Variants in TMEM185B observed in about 807,000 individuals in gnomAD.
TMEM185B encodes transmembrane protein 185B, also known as ee3_2.
In TMEM185B, 9 loss-of-function variants were observed where a neutral mutation model predicts 26.2. That is an observed-to-expected ratio of 0.34 (90% confidence interval 0.21 to 0.60). The LOEUF is 0.60. Ranked by LOEUF, TMEM185B falls within the 20% of genes least tolerant of loss-of-function variation. The probability of loss-of-function intolerance (pLI) is 0.80; values close to 1 mark genes in which losing one functional copy is unlikely to be tolerated. For synonymous variants in TMEM185B, 204 were observed against 191.8 expected (o/e 1.06, Z -0.52); for missense variants, 392 against 447.9 (o/e 0.88, Z 1.13).
chr2:120,221,855 G>T lies in TMEM185B; in HGVS notation c.*69C>A, dbSNP rs1471805780. ...GTTTGAAGCCTGTTTCCATTTCCAG[G>T]TTTGGGATGAATGAACAAGAGGCGA... is the stretch of plus-strand genomic sequence containing the variant. On this transcript the variant is annotated 3_prime_UTR_variant, in exon 1 of 1. Transcript: ENST00000426077. 7.1e-6 allele frequency: 9 copies of T among 1,269,562 alleles called. No homozygotes were observed. Among genetic ancestry groups the T allele is most frequent in the Non-Finnish European group, 8.5e-6 (8 of 945,146 alleles). 78.6% of individuals were successfully genotyped at this position (1,269,562 alleles called of 1,614,324 possible).
rs1688592526 is a variant in TMEM185B, at chr2:120,221,873, A to C, written c.*51T>G. The C allele has an allele frequency of 7.2e-7, 1 of 1,390,078 alleles. No homozygotes were observed. The highest frequency in any genetic ancestry group is 2.7e-5 in the Admixed American group (1 of 36,644). 86.1% of individuals were successfully genotyped at this position (1,390,078 alleles called of 1,614,324 possible). A position where few individuals can be genotyped will look rare whatever the true frequency, so the allele number is the denominator to read the frequency against. ...TTTCCAGGTTTGGGATGAATGAACA[A>C]GAGGCGAAGGCCAAGTGGAGTCTGT... On this transcript the variant is annotated 3_prime_UTR_variant, in exon 1 of 1. Transcript: ENST00000426077.
In TMEM185B at chr2:120,219,450, T is replaced by C. The variant is rs1039173850; in HGVS notation, c.*2474A>G. The stretch of plus-strand genomic sequence containing the variant: ...TAGATGCTGGCTTTCCAACACCAGA[T>C]AGCTTGGGGGAAGAGGAAGTTAAGA... On this transcript the variant is annotated 3_prime_UTR_variant, in exon 1 of 1. Coordinates refer to ENST00000426077, the MANE Select transcript of TMEM185B (RefSeq NM_024121.3). Among the ~76,000 whole-genome samples the C allele has an allele frequency of 6.6e-6, 1 of 151,796 alleles. No homozygotes were observed. Among genetic ancestry groups the C allele is most frequent in the Non-Finnish European group, 1.5e-5 (1 of 67,970 alleles).
chr2:120,222,278 G>A lies in TMEM185B; in HGVS notation c.699C>T (p.His233=). 6.5e-7 allele frequency: 1 copy of A among 1,536,326 alleles called. No homozygotes were observed. The highest frequency in any genetic ancestry group is 8.7e-7 in the Non-Finnish European group (1 of 1,146,942). ...PLLTFEVLLV[H]RLDGHNTFSY... Reference sequence around the variant, plus strand: ...AGAATGTATTGTGGCCATCCAATCTGTGAACCAGCAGGACCTCAAAAGTGA... The same window carrying A: ...AGAATGTATTGTGGCCATCCAATCTATGAACCAGCAGGACCTCAAAAGTGA... Residue 233 remains histidine (H), a synonymous_variant, in exon 1 of 1, where the codon CAC becomes CAT. Transcript: ENST00000426077.
Position 120,222,769 on chromosome 2 carries a change from G to A in TMEM185B, c.208C>T (p.Arg70Cys). The change falls in exon 1 of 1, where the codon CGC (arginine) becomes TGC (cysteine). Residue 70 changes from arginine to cysteine, a missense_variant. This residue lies in a region of TMEM185B where 175 missense variants were observed against 169.1 expected (regional missense o/e 1.03). Transcript: ENST00000426077. ...VGAGVWARNPRYRTEGEACVE... is the reference protein window; with the variant it reads ...VGAGVWARNPCYRTEGEACVE... ...CAGGCCTCTCCCTCGGTGCGGTAGC[G>A]AGGGTTGCGGGCCCAAACGCCCGCG... 2.6e-6 allele frequency: 4 copies of A among 1,535,832 alleles called. No homozygotes were observed. The highest frequency in any genetic ancestry group is 1.7e-6 in the Non-Finnish European group (2 of 1,146,534).
rs1056632125 is a variant in TMEM185B, at chr2:120,217,684, A to G, written c.*4240T>C. 6.6e-6 allele frequency among the ~76,000 whole-genome samples: 1 copy of G among 152,214 alleles called. No homozygotes were observed. Among genetic ancestry groups the G allele is most frequent in the African/African-American group, 2.4e-5 (1 of 41,462 alleles). On this transcript the variant is annotated 3_prime_UTR_variant, in exon 1 of 1. Transcript: ENST00000426077. ...GCTGCTTCCGCCTTCGGTCTGTTGCAGTATGGTATCCTGACTGAAGAAAAC... is the reference window on the plus strand; with the variant it reads ...GCTGCTTCCGCCTTCGGTCTGTTGCGGTATGGTATCCTGACTGAAGAAAAC...
Position 120,222,647 on chromosome 2 carries a change from G to C in TMEM185B, c.330C>G (p.His110Gln), listed in dbSNP as rs960071108. The part of the protein sequence containing the change: ...LVCDRVERGT[H>Q]FWLLVFMPLF... ...GAGGCATGAAGACCAGCAGCCAGAA[G>C]TGGGTGCCCCTCTCCACCCTGTCGC... is the stretch of plus-strand genomic sequence containing the variant. Residue 110 changes from histidine (H) to glutamine (Q), a missense_variant, in exon 1 of 1, where the codon CAC (histidine) becomes CAG (glutamine). His to Gln is a conservative substitution (Grantham distance 24). This residue lies in a region of TMEM185B where 175 missense variants were observed against 169.1 expected (regional missense o/e 1.03). Coordinates refer to ENST00000426077, the MANE Select transcript of TMEM185B (RefSeq NM_024121.3). 1.3e-6 allele frequency: 2 copies of C among 1,536,488 alleles called. No homozygotes were observed. Among genetic ancestry groups the C allele is most frequent in the Non-Finnish European group, 1.7e-6 (2 of 1,146,998 alleles).
rs1688582387 is a variant in TMEM185B at position 120,221,264 on chromosome 2, C to CACAT, written c.*656_*659dup. Reference sequence around the variant, plus strand: ...AGTTTTCAAGGACATCTGCAATAGACACATATCTTCACACCTAAGCTTTAA... The same window carrying CACAT: ...AGTTTTCAAGGACATCTGCAATAGACACATACATATCTTCACACCTAAGCTTTAA... On this transcript the variant is annotated 3_prime_UTR_variant, in exon 1 of 1. Transcript: ENST00000426077. 6.6e-6 allele frequency: 1 copy of CACAT among 152,254 alleles called. No homozygotes were observed. The highest frequency in any genetic ancestry group is 6.5e-5 in the Admixed American group (1 of 15,286). 9.4% of individuals were successfully genotyped at this position (152,254 alleles called of 1,614,324 possible).
At position 120,220,611 on chromosome 2, in the gene TMEM185B, T is replaced by C. The variant is rs535415189; in HGVS notation, c.*1313A>G. ...CAGGCGTGGTGGTGCATGCCTGTAA[T>C]CCCAGCTACTCGCGAGGCTGAGGCA... is the stretch of plus-strand genomic sequence containing the variant. On this transcript the variant is annotated 3_prime_UTR_variant, in exon 1 of 1. Coordinates refer to ENST00000426077, the MANE Select transcript of TMEM185B (RefSeq NM_024121.3). Among the ~76,000 whole-genome samples, 93 of 152,258 alleles carry C rather than the reference T, an allele frequency of 6.1e-4. No individual in the cohort carries two copies. Among genetic ancestry groups the C allele is most frequent in the Non-Finnish European group, 1.1e-3 (77 of 68,014 alleles).
At position 120,222,419 on chromosome 2, in the gene TMEM185B, G is replaced by A; in HGVS notation, c.558C>T (p.Val186=). The change falls in exon 1 of 1, where the codon GTC becomes GTT. Residue 186 remains valine (V), a synonymous_variant. Coordinates refer to ENST00000426077, the MANE Select transcript of TMEM185B (RefSeq NM_024121.3). ...WILMSFLCLV[V]LYYIVWSLLF... ...GGAGGGACCAGACGATGTAATAGAG[G>A]ACGACCAGGCAAAGGAACGACATGA... 2 of 1,536,204 alleles carry A rather than the reference G, an allele frequency of 1.3e-6. No individual in the cohort carries two copies. Among genetic ancestry groups the A allele is most frequent in the Non-Finnish European group, 1.7e-6 (2 of 1,146,922 alleles).
chr2:120,222,434 G>C lies in TMEM185B; in HGVS notation c.543C>G (p.Phe181Leu). 3 of 1,536,178 alleles carry C rather than the reference G, an allele frequency of 2.0e-6. No homozygotes were observed. The highest frequency in any genetic ancestry group is 2.6e-6 in the Non-Finnish European group (3 of 1,146,908). The change falls in exon 1 of 1, where the codon TTC (phenylalanine) becomes TTG (leucine). Residue 181 changes from phenylalanine (F) to leucine (L), a missense_variant. Physicochemically the swap from Phe to Leu is conservative, Grantham distance 22. Coordinates refer to ENST00000426077, the MANE Select transcript of TMEM185B (RefSeq NM_024121.3). Reference sequence around the variant, plus strand: ...TGTAATAGAGGACGACCAGGCAAAGGAACGACATGAGGATCCACAGGGGCA... The same window carrying C: ...TGTAATAGAGGACGACCAGGCAAAGCAACGACATGAGGATCCACAGGGGCA... ...VFVPLWILMS[F>L]LCLVVLYYIV... is the part of the protein sequence containing the mutation.
At position 120,222,242 on chromosome 2, in the gene TMEM185B, G is replaced by A. The variant is rs1688601485; in HGVS notation, c.735C>T (p.Ser245=). 1 of 1,536,646 alleles carries A rather than the reference G, an allele frequency of 6.5e-7. No homozygotes were observed. The highest frequency in any genetic ancestry group is 1.4e-5 in the African/African-American group (1 of 73,040). Residue 245 remains serine, a synonymous_variant, in exon 1 of 1, where the codon TCC becomes TCT. Coordinates refer to ENST00000426077, the MANE Select transcript of TMEM185B (RefSeq NM_024121.3). ...AGGAAAGCCAAAGGGGGACAAATAT[G>A]GAGACGTAGGAGAATGTATTGTGGC... ...LDGHNTFSYV[S]IFVPLWLSLL...
rs1688618709 is a variant in TMEM185B, at chr2:120,223,039, C to T, written c.-63G>A. On this transcript the variant is annotated 5_prime_UTR_variant, in exon 1 of 1. Coordinates refer to ENST00000426077, the MANE Select transcript of TMEM185B (RefSeq NM_024121.3). ...TCGCGACGCTCGGCGCTCGCGTCTC[C>T]GCGGCTTCTCCGGCCGCCGCCTCCC... The T allele has an allele frequency of 8.0e-7, 1 of 1,244,988 alleles. No individual in the cohort carries two copies. Among genetic ancestry groups the T allele is most frequent in the Non-Finnish European group, 1.0e-6 (1 of 980,376 alleles). The allele number at this position is 1,244,988 out of a possible 1,614,324, so 77.1% of individuals were successfully genotyped here. A position where few individuals can be genotyped will look rare whatever the true frequency, so the allele number is the denominator to read the frequency against.
Position 120,221,228 on chromosome 2 carries a change from C to T in TMEM185B, c.*696G>A, listed in dbSNP as rs1358595983. The T allele has an allele frequency of 6.6e-6, 1 of 152,150 alleles. No homozygotes were observed. The highest frequency in any genetic ancestry group is 1.5e-5 in the Non-Finnish European group (1 of 68,048). 9.4% of individuals were successfully genotyped at this position (152,150 alleles called of 1,614,324 possible). A position where few individuals can be genotyped will look rare whatever the true frequency, so the allele number is the denominator to read the frequency against. Reference sequence around the variant, plus strand: ...TGGTAAGATCCACACCAGGCACATACTGTTTTATGCAGTTTTCAAGGACAT... The same window carrying T: ...TGGTAAGATCCACACCAGGCACATATTGTTTTATGCAGTTTTCAAGGACAT... On this transcript the variant is annotated 3_prime_UTR_variant, in exon 1 of 1. Coordinates refer to ENST00000426077, the MANE Select transcript of TMEM185B (RefSeq NM_024121.3).
chr2:120,223,238 C>G lies in TMEM185B; in HGVS notation c.-262G>C. 1 of 286,466 alleles carries G rather than the reference C, an allele frequency of 3.5e-6. No homozygotes were observed. The highest frequency in any genetic ancestry group is 5.3e-5 in the Admixed American group (1 of 19,034). 17.7% of individuals were successfully genotyped at this position (286,466 alleles called of 1,614,324 possible). The stretch of plus-strand genomic sequence containing the variant: ...GGCGGCGCGGCGGTTACAAACTGGG[C>G]GCTGCCTCGGTCCCGCCGCCGCCCG... On this transcript the variant is annotated 5_prime_UTR_variant, in exon 1 of 1. Coordinates refer to ENST00000426077, the MANE Select transcript of TMEM185B (RefSeq NM_024121.3).
In TMEM185B at chr2:120,222,848, G is replaced by C. The variant is rs2104551790; in HGVS notation, c.129C>G (p.Val43=). The change falls in exon 1 of 1, where the codon GTC becomes GTG. Residue 43 remains valine, a synonymous_variant. Transcript: ENST00000426077. ...GCTTCCACAGCCATATGGGGGCAAA[G>C]ACGGCCCAGTAGCTCCATTGGATGA... ...DGIIQWSYWA[V]FAPIWLWKLL... 3 of 1,499,856 alleles carry C rather than the reference G, an allele frequency of 2.0e-6. No homozygotes were observed. The highest frequency in any genetic ancestry group is 2.7e-6 in the Non-Finnish European group (3 of 1,131,254). The allele number at this position is 1,499,856 out of a possible 1,614,324, so 92.9% of individuals were successfully genotyped here. A position where few individuals can be genotyped will look rare whatever the true frequency, so the allele number is the denominator to read the frequency against.
rs1377914012 is a variant in TMEM185B, at chr2:120,219,431, C to G, written c.*2493G>C. On this transcript the variant is annotated 3_prime_UTR_variant, in exon 1 of 1. Coordinates refer to ENST00000426077, the MANE Select transcript of TMEM185B (RefSeq NM_024121.3). ...AGAAAGCTTGTTTCCACACTAGATG[C>G]TGGCTTTCCAACACCAGATAGCTTG... Among the ~76,000 whole-genome samples the G allele has an allele frequency of 6.6e-6, 1 of 152,112 alleles. No homozygotes were observed. The highest frequency in any genetic ancestry group is 1.5e-5 in the Non-Finnish European group (1 of 68,012).
Position 120,222,697 on chromosome 2 carries a change from G to C in TMEM185B, c.280C>G (p.Leu94Val). 1 of 1,536,564 alleles carries C rather than the reference G, an allele frequency of 6.5e-7. No individual in the cohort carries two copies. The highest frequency in any genetic ancestry group is 2.0e-5 in the Admixed American group (1 of 51,010). ...CAGACCAGGACTTCGAACATGAGCA[G>C]CAGCAGGTGGATGCCCACAGCGATC... ...MLIAVGIHLL[L>V]LMFEVLVCDR... Residue 94 changes from leucine to valine, a missense_variant, in exon 1 of 1, where the codon CTG becomes GTG. Leu to Val is a conservative substitution (Grantham distance 32). This residue lies in a region of TMEM185B where 175 missense variants were observed against 169.1 expected (regional missense o/e 1.03). Coordinates refer to ENST00000426077, the MANE Select transcript of TMEM185B (RefSeq NM_024121.3).
rs1028640476 is a variant in TMEM185B, at chr2:120,219,330, C to T, written c.*2594G>A. On this transcript the variant is annotated 3_prime_UTR_variant, in exon 1 of 1. Coordinates refer to ENST00000426077, the MANE Select transcript of TMEM185B (RefSeq NM_024121.3). ...AGGCACTGAAGTGCTCGCAGCCTCA[C>T]AGATCGAACGACTTCCTACAACCTG... is the stretch of plus-strand genomic sequence containing the variant. Among the ~76,000 whole-genome samples the T allele has an allele frequency of 1.3e-5, 2 of 152,238 alleles. No homozygotes were observed. The highest frequency in any genetic ancestry group is 2.4e-5 in the African/African-American group (1 of 41,462).
rs1338260011 is a variant in TMEM185B at position 120,222,573 on chromosome 2, C to T, written c.404G>A (p.Arg135Gln). 4 of 1,536,354 alleles carry T rather than the reference C, an allele frequency of 2.6e-6. No homozygotes were observed. The highest frequency in any genetic ancestry group is 1.2e-5 in the South Asian group (1 of 84,066). Residue 135 changes from arginine to glutamine, a missense_variant, in exon 1 of 1, where the codon CGA becomes CAA. Physicochemically the swap from Arg to Gln is conservative, Grantham distance 43 (BLOSUM62 1). Coordinates refer to ENST00000426077, the MANE Select transcript of TMEM185B (RefSeq NM_024121.3). ...VSVAACVWGF[R>Q]HDRSLELEIL... The stretch of plus-strand genomic sequence containing the variant: ...CTCCAGCTCCAGCGACCTATCGTGT[C>T]GAAAGCCCCAGACGCAGGCAGCCAC...
Sources: gnomAD v4.1 joint callset for allele counts (sites outside exome capture counted in the v4.1 genomes callset) on GRCh38, gnomAD v4.1.1 for gene constraint, gnomAD v4.1.1 regional missense constraint, MANE v1.5 for transcripts, NCBI Gene and HGNC (gene_info 2026-07-23, HGNC 2026-07-21) for gene names.